Variants in EED observed in about 807,000 individuals in gnomAD.
EED encodes embryonic ectoderm development.
EED carries 9 observed loss-of-function variants against 61.0 expected under a neutral mutation model. That is an observed-to-expected ratio of 0.15 (90% CI 0.09 to 0.26). The LOEUF (loss-of-function observed/expected upper bound fraction) is 0.26. Ranked by LOEUF, EED falls within the 10% of genes least tolerant of loss-of-function variation. EED has a pLI of 1.00. For synonymous variants in EED, 187 were observed against 174.4 expected (o/e 1.07, Z -0.57); for missense variants, 315 against 542.3 (o/e 0.58, Z 4.16).
chr11:86,277,764 C>T (rs375007952), intron 10 of EED, 154 bp from the exon 11 acceptor site: 15 of 520,472 alleles, frequency 2.9e-5, no homozygotes, highest in African/African-American at 1.2e-4. Context: ...TTCATATTTA[C>T]GAATCAGGAG....
chr11:86,263,526 T>C (rs775409867), intron 6 of EED, among the ~76,000 whole-genome samples: 1 of 152,208 alleles, frequency 6.6e-6, no homozygotes, highest in Non-Finnish European at 1.5e-5. Flanking sequence ...TAATTTCTTT[T>C]CTATTGCTCA....
At chr11:86,277,874 G>T in intron 10 of EED, 44 bp from the exon 11 acceptor site, 1 of 1,493,458 alleles carries the variant, frequency 6.7e-7, no homozygotes, top group East Asian at 2.6e-5. Flanking sequence ...TTTAGAACCT[G>T]GTAATTTTAT....
chr11:86,271,895 T>G (rs1162703942), intron 9 of EED, among the ~76,000 whole-genome samples: 8 of 150,402 alleles, frequency 5.3e-5, no homozygotes, highest in African/African-American at 1.7e-4. Context: ...AATATTTTGT[T>G]AAGGATTTTT....
At chr11:86,247,417 A>G (rs1317749340) in intron 1 of EED, among the ~76,000 whole-genome samples, 4 of 152,252 alleles carry the variant, frequency 2.6e-5, no homozygotes, top group Non-Finnish European at 5.9e-5. Context: ...GTCCTATACT[A>G]TATGTACTTT....
At chr11:86,247,431 A>G (rs755991235) in intron 1 of EED, among the ~76,000 whole-genome samples, 1 of 152,260 alleles carries the variant, frequency 6.6e-6, no homozygotes, top group Non-Finnish European at 1.5e-5. Flanking sequence ...GTACTTTATT[A>G]GCACATTAAG....
chr11:86,259,627 C>A (rs573760716), intron 6 of EED, among the ~76,000 whole-genome samples: 1 of 152,046 alleles, frequency 6.6e-6, no homozygotes, highest in Non-Finnish European at 1.5e-5. Context: ...TAATAAGGGA[C>A]GTGTATCAAG....
At chr11:86,263,350 T>A (rs1300585502) in intron 6 of EED, among the ~76,000 whole-genome samples, 1 of 152,188 alleles carries the variant, frequency 6.6e-6, no homozygotes, top group Non-Finnish European at 1.5e-5. Context: ...AGCCTGCTCC[T>A]CCAGATTCTT....
chr11:86,258,786 C>A (rs60150276), intron 6 of EED, among the ~76,000 whole-genome samples: 448 of 151,882 alleles, frequency 2.9e-3, no homozygotes, highest in African/African-American at 0.01. Flanking sequence ...GAACTCCTGA[C>A]CTCAGTTGAT....
In EED at chr11:86,245,057, G is replaced by A; in HGVS notation, c.-173G>A. On this transcript the variant is annotated 5_prime_UTR_variant, in exon 1 of 12. Transcript: ENST00000263360. ...CGCCCCTTTTTCAGCAGTGTGGCGG[G>A]GTCGCACGCACGCCCGCCTCGGCGG... is the stretch of plus-strand genomic sequence containing the variant. 3 of 544,024 alleles carry A rather than the reference G, an allele frequency of 5.5e-6. No individual in the cohort carries two copies. Among genetic ancestry groups the A allele is most frequent in the Non-Finnish European group, 9.7e-6 (3 of 310,382 alleles). The allele number at this position is 544,024 out of a possible 1,614,324, so 33.7% of individuals were successfully genotyped here. A position where few individuals can be genotyped will look rare whatever the true frequency, so the allele number is the denominator to read the frequency against.
the EED span, chr11:86,284,222 A>G: frequency 1.3e-5 from 2 of 152,228 alleles, no homozygotes; most frequent in Admixed American, 6.5e-5. Flanking sequence ...TTCCACACCA[A>G]TGTGAAGGAC....
rs890695718 is a variant in EED at position 86,250,353 on chromosome 11, A to G, written c.172A>G (p.Asn58Asp). Reference sequence around the variant, plus strand: ...CACTGAACGCCCTGATACACCTACAAACACGCCAAATGCACCTGGAAGGAA... The same window carrying G: ...CACTGAACGCCCTGATACACCTACAGACACGCCAAATGCACCTGGAAGGAA... ...TNTERPDTPTNTPNAPGRKSW... is the reference protein window; with the variant it reads ...TNTERPDTPTDTPNAPGRKSW... Residue 58 changes from asparagine (N) to aspartate (D), a missense_variant, in exon 2 of 12, where the codon AAC becomes GAC. Coordinates refer to ENST00000263360, the MANE Select transcript of EED (RefSeq NM_003797.5). 1 of 1,609,216 alleles carries G rather than the reference A, an allele frequency of 6.2e-7. No homozygotes were observed. Among genetic ancestry groups the G allele is most frequent in the East Asian group, 2.3e-5 (1 of 44,338 alleles).
intron 7 of EED, 93 bp from the exon 8 acceptor site, chr11:86,265,990 A>G: frequency 1.8e-6 from 2 of 1,097,120 alleles, no homozygotes; most frequent in Non-Finnish European, 2.6e-6. Flanking sequence ...GTGATTTGAA[A>G]TACAGTTTTC....
Position 86,264,134 on chromosome 11 carries a change from TAAAA to T in EED, c.635-35_635-32del, listed in dbSNP as rs761139323. On this transcript the variant is annotated intron_variant, in intron 6 of 11. Coordinates refer to ENST00000263360, the MANE Select transcript of EED (RefSeq NM_003797.5). ...CAAGATGTTGAAAGTTCACAGTAAATAAAAAACATTCGCCTAATTTTTGTATGTT... is the reference window on the plus strand; with the variant it reads ...CAAGATGTTGAAAGTTCACAGTAAATAACATTCGCCTAATTTTTGTATGTT... 7 of 1,513,032 alleles carry T rather than the reference TAAAA, an allele frequency of 4.6e-6. No individual in the cohort carries two copies. The South Asian group carries it at 8.0e-5, about 17-fold the overall frequency. 93.7% of individuals were successfully genotyped at this position (1,513,032 alleles called of 1,614,324 possible).
the EED span, among the ~76,000 whole-genome samples, chr11:86,285,763 A>G: frequency 5.9e-5 from 9 of 151,500 alleles, no homozygotes; most frequent in East Asian, 1.6e-3. Flanking sequence ...AAGCCCAGCT[A>G]ATTTTTGTAT....
rs1388159616 is a variant in EED at position 86,252,137 on chromosome 11, T to C, written c.268-11T>C. ...ACATTAATCTTTTCTTATTTCATGATTATTTTATAGGAAGATCATAACCAA... is the reference window on the plus strand; with the variant it reads ...ACATTAATCTTTTCTTATTTCATGACTATTTTATAGGAAGATCATAACCAA... On this transcript the variant is annotated splice_polypyrimidine_tract_variant and intron_variant, in intron 2 of 11. Transcript: ENST00000263360. 3.7e-6 allele frequency: 6 copies of C among 1,602,286 alleles called. No homozygotes were observed. The highest frequency in any genetic ancestry group is 3.4e-6 in the Non-Finnish European group (4 of 1,171,368).
At chr11:86,279,968 G>C (rs186450617), downstream of EED, among the ~76,000 whole-genome samples, 1 of 152,182 alleles carries the variant, frequency 6.6e-6, no homozygotes, top group African/African-American at 2.4e-5. Flanking sequence ...AGATTGCCTA[G>C]GTTCTTGTTG....
At chr11:86,260,019 G>C (rs927158388) in intron 6 of EED, among the ~76,000 whole-genome samples, 6 of 152,160 alleles carry the variant, frequency 3.9e-5, no homozygotes, top group African/African-American at 1.4e-4. Context: ...GTGGGTGGGG[G>C]TGTACATATG....
At chr11:86,269,311 C>T (rs552293503) in intron 9 of EED, among the ~76,000 whole-genome samples, 1 of 151,856 alleles carries the variant, frequency 6.6e-6, no homozygotes, top group Non-Finnish European at 1.5e-5. Context: ...CATTGTAAGT[C>T]AAGGCCATCT....
Position 86,278,771 on chromosome 11 carries a change from AAAAAAGTT to A in EED, c.*251_*258del. On this transcript the variant is annotated 3_prime_UTR_variant, in exon 12 of 12. Transcript: ENST00000263360. ...TGTTTAGTTACTTTCATTGTGGTGA[AAAAAAGTT>A]AAAAGTAATAAAATTATGCCTTATC... The A allele has an allele frequency of 2.8e-6, 1 of 363,588 alleles. No homozygotes were observed. The allele number at this position is 363,588 out of a possible 1,614,324, so 22.5% of individuals were successfully genotyped here. A position where few individuals can be genotyped will look rare whatever the true frequency, so the allele number is the denominator to read the frequency against.
Sources: gnomAD v4.1 joint callset for allele counts (sites outside exome capture counted in the v4.1 genomes callset) on GRCh38, gnomAD v4.1.1 for gene constraint, MANE v1.5 for transcripts, NCBI Gene and HGNC (gene_info 2026-07-23, HGNC 2026-07-21) for gene names.